The following FILIP1L variants were observed in gnomAD, a reference collection of about 807,000 sequenced individuals.
The protein encoded by FILIP1L is filamin A-interacting protein 1-like.
FILIP1L carries 55 observed loss-of-function variants against 96.6 expected under a neutral mutation model. That is an observed-to-expected ratio of 0.57 (90% CI 0.46 to 0.71). FILIP1L has a LOEUF of 0.71. FILIP1L is among the 30% of genes least tolerant of loss of function. FILIP1L has a pLI of 0.00. For synonymous variants in FILIP1L, 467 were observed against 473.9 expected (o/e 0.99, Z 0.19); for missense variants, 1,304 against 1,321.2 (o/e 0.99, Z 0.20).
chr3:99,909,253 C>T (rs1230487740), intron 4 of FILIP1L, among the ~76,000 whole-genome samples: 12 of 152,144 alleles, frequency 7.9e-5, no homozygotes, highest in Admixed American at 7.9e-4. Flanking sequence ...CAATACCAAA[C>T]AGAAAATGGA....
chr3:100,081,628 A>G (rs993513164), intron 1 of FILIP1L, among the ~76,000 whole-genome samples: 1 of 152,222 alleles, frequency 6.6e-6, no homozygotes, highest in South Asian at 2.1e-4. Flanking sequence ...ATGCCAGTAT[A>G]GTGTGATTTT....
At chr3:99,978,635 C>T (rs372459054) in intron 1 of FILIP1L, among the ~76,000 whole-genome samples, 1 of 152,116 alleles carries the variant, frequency 6.6e-6, no homozygotes, top group Non-Finnish European at 1.5e-5. Context: ...GGGCTCTCCC[C>T]TGTAATCCCA....
At chr3:100,076,238 T>C (rs575718406) in intron 1 of FILIP1L, among the ~76,000 whole-genome samples, 1 of 152,252 alleles carries the variant, frequency 6.6e-6, no homozygotes, top group Admixed American at 6.5e-5. Context: ...TCTGTTTCAT[T>C]CCTTTAATCT....
rs1043094119 is a variant in FILIP1L, at chr3:99,985,197, G to T, written c.-10-54167C>A. On this transcript the variant is annotated intron_variant, in intron 1 of 5. Transcript: ENST00000477258. ...AGGGGGTCAAAGGTTGTTTTAAAAG[G>T]TTGAGAAAACTGCAATTGGTTCTCT... Among the ~76,000 whole-genome samples the T allele has an allele frequency of 5.3e-5, 8 of 152,246 alleles. No individual in the cohort carries two copies. In the East Asian group the frequency reaches 1.2e-3, roughly 22 times the overall value.
At chr3:99,926,506 T>C (rs187563239) in intron 3 of FILIP1L, among the ~76,000 whole-genome samples, 2 of 152,326 alleles carry the variant, frequency 1.3e-5, no homozygotes, top group East Asian at 3.9e-4. Flanking sequence ...TCAAATCAAC[T>C]CCTTTTGCAA....
intron 1 of FILIP1L, among the ~76,000 whole-genome samples, chr3:100,092,991 G>A (rs1472792170): frequency 1.3e-5 from 2 of 152,040 alleles, no homozygotes; most frequent in South Asian, 4.2e-4. Context: ...GATGCTAAAG[G>A]TTCCATAAAT....
At chr3:99,846,751 T>C (rs1214720490) in intron 5 of FILIP1L, among the ~76,000 whole-genome samples, 2 of 152,358 alleles carry the variant, frequency 1.3e-5, no homozygotes, top group East Asian at 3.9e-4. Context: ...GGAGGATAAT[T>C]GTGAAAGCTT....
intron 5 of FILIP1L, among the ~76,000 whole-genome samples, chr3:99,835,151 A>T (rs746740027): frequency 6.6e-6 from 1 of 152,076 alleles, no homozygotes; most frequent in South Asian, 2.1e-4. Flanking sequence ...TTTATAGGCA[A>T]TATGTTGCTA....
At chr3:99,942,877 G>C (rs900177013) in intron 1 of FILIP1L, among the ~76,000 whole-genome samples, 3 of 151,886 alleles carry the variant, frequency 2.0e-5, no homozygotes, top group African/African-American at 7.3e-5. Flanking sequence ...AAGAAAAAAA[G>C]AGAGTGCCAT....
At chr3:99,967,332 C>A (rs551374007) in intron 1 of FILIP1L, among the ~76,000 whole-genome samples, 218 of 152,292 alleles carry the variant, frequency 1.4e-3, no homozygotes, top group Middle Eastern at 3.4e-3. Context: ...TACATCATTC[C>A]TTTCACAGAG....
Position 100,074,675 on chromosome 3 carries a change from A to ATTTTT in FILIP1L, c.-11+39373_-11+39377dup, listed in dbSNP as rs555819875. The stretch of plus-strand genomic sequence containing the variant: ...ATTTTCTATGCATGTGCAACATTTG[A>ATTTTT]TTTTTTTTTTTTTTTTTTTTTTTTT... On this transcript the variant is annotated intron_variant, in intron 1 of 5. Coordinates refer to ENST00000477258, the MANE Select transcript of FILIP1L (RefSeq NM_001387850.1). Among the ~76,000 whole-genome samples, 3 of 34,802 alleles carry ATTTTT rather than the reference A, an allele frequency of 8.6e-5. 1 individual carries two copies. Among genetic ancestry groups the ATTTTT allele is most frequent in the African/African-American group, 1.2e-4 (1 of 8,456 alleles). 22.8% of individuals were successfully genotyped at this position (34,802 alleles called of 152,430 possible).
intron 1 of FILIP1L, among the ~76,000 whole-genome samples, chr3:99,951,743 C>T (rs150312559): frequency 6.6e-6 from 1 of 152,302 alleles, no homozygotes; most frequent in African/African-American, 2.4e-5. Context: ...GATCATGGGT[C>T]AGCAAACTCT....
At chr3:99,979,833 T>C (rs932640924) in intron 1 of FILIP1L, among the ~76,000 whole-genome samples, 2 of 152,146 alleles carry the variant, frequency 1.3e-5, no homozygotes, top group Admixed American at 1.3e-4. Flanking sequence ...GGAGACAAGA[T>C]GAGTTCACAT....
intron 5 of FILIP1L, among the ~76,000 whole-genome samples, chr3:99,840,687 G>A (rs1311435754): frequency 6.6e-6 from 1 of 152,208 alleles, no homozygotes; most frequent in African/African-American, 2.4e-5. Context: ...TTTAAGGAGG[G>A]TGGCAAGACT....
intron 1 of FILIP1L, among the ~76,000 whole-genome samples, chr3:99,943,051 AACTTTGGACCTCC>A (rs1022212492): frequency 2.6e-5 from 4 of 152,138 alleles, no homozygotes; most frequent in African/African-American, 9.7e-5. Context: ...TGCTTAGAAC[AACTTTGGACCTCC>A]ACTTTTGGAG....
intron 1 of FILIP1L, among the ~76,000 whole-genome samples, chr3:99,967,562 C>A (rs1025043950): frequency 6.6e-6 from 1 of 152,136 alleles, no homozygotes. Context: ...TATGGTGAGT[C>A]CCTACACCTG....
At chr3:100,020,486 A>G (rs2064789638) in intron 1 of FILIP1L, among the ~76,000 whole-genome samples, 1 of 152,254 alleles carries the variant, frequency 6.6e-6, no homozygotes. Flanking sequence ...TTTAGGCTCT[A>G]ATCGTTTTGA....
At chr3:100,087,526 G>A (rs2066031137) in intron 1 of FILIP1L, among the ~76,000 whole-genome samples, 1 of 152,078 alleles carries the variant, frequency 6.6e-6, no homozygotes, top group African/African-American at 2.4e-5. Flanking sequence ...TTTCATCCAA[G>A]TATAGTCTTT....
intron 4 of FILIP1L, among the ~76,000 whole-genome samples, chr3:99,917,889 C>T (rs1159273342): frequency 1.3e-5 from 2 of 152,168 alleles, no homozygotes; most frequent in Non-Finnish European, 2.9e-5. Flanking sequence ...TTGTTCATGA[C>T]AATCACATAA....
Sources: allele counts gnomAD v4.1 joint callset (sites outside exome capture counted in the v4.1 genomes callset), GRCh38; gene constraint gnomAD v4.1.1; transcripts MANE v1.5; gene names NCBI Gene and HGNC (gene_info 2026-07-23, HGNC 2026-07-21).